Variants in DNAJB14 observed in about 807,000 individuals in gnomAD.
DNAJB14 encodes dnaJ homolog subfamily B member 14.
Under a neutral mutation model 48.4 loss-of-function variants are expected in DNAJB14, and 22 were observed. That is an observed-to-expected ratio of 0.45 (90% CI 0.32 to 0.65). The LOEUF (loss-of-function observed/expected upper bound fraction) is 0.65. DNAJB14 is among the 30% of genes least tolerant of loss of function. The pLI is 0.03. For synonymous variants in DNAJB14, 142 were observed against 158.7 expected, an observed-to-expected ratio of 0.89 and a Z score of 0.79; for missense variants, 319 against 458.8, an observed-to-expected ratio of 0.70 and a Z score of 2.78.
At chr4:99,904,784 T>C (rs1725409526) in intron 6 of DNAJB14, among the ~76,000 whole-genome samples, 1 of 152,026 alleles carries the variant, frequency 6.6e-6, no homozygotes, top group Non-Finnish European at 1.5e-5. Flanking sequence ...CTTATTTGTA[T>C]TATAAATTAC....
At chr4:99,937,467 G>A (rs1726720598) in intron 1 of DNAJB14, among the ~76,000 whole-genome samples, 1 of 152,140 alleles carries the variant, frequency 6.6e-6, no homozygotes, top group South Asian at 2.1e-4. Flanking sequence ...GCTCACACCT[G>A]TAATCCCAGC....
intron 5 of DNAJB14, 68 bp from the exon 6 acceptor site, chr4:99,905,774 C>A: frequency 1.3e-6 from 2 of 1,506,590 alleles, no homozygotes; most frequent in South Asian, 2.3e-5. Flanking sequence ...CAACAGTTGT[C>A]ATACATTTTG....
chr4:99,940,652 T>TC (rs760754411), intron 1 of DNAJB14, among the ~76,000 whole-genome samples: 40 of 149,970 alleles, frequency 2.7e-4, no homozygotes, highest in Non-Finnish European at 5.2e-4. Flanking sequence ...CTTCCAACCC[T>TC]CCCCCAAATC....
chr4:99,911,907 C>T (rs564253982), intron 3 of DNAJB14, among the ~76,000 whole-genome samples: 1 of 152,248 alleles, frequency 6.6e-6, no homozygotes, highest in Non-Finnish European at 1.5e-5. Flanking sequence ...AACTTAACAA[C>T]TTTTCCTTTT....
Position 99,938,343 on chromosome 4 carries a change from C to CTTT in DNAJB14, c.134-7725_134-7723dup, listed in dbSNP as rs200523338. 3.0e-3 allele frequency among the ~76,000 whole-genome samples: 355 copies of CTTT among 120,060 alleles called. 4 individuals are homozygous for CTTT. The highest frequency in any genetic ancestry group is 0.011 in the African/African-American group (343 of 32,470). The allele number at this position is 120,060 out of a possible 152,430, so 78.8% of individuals were successfully genotyped here. A position where few individuals can be genotyped will look rare whatever the true frequency, so the allele number is the denominator to read the frequency against. ...CATAAATGCGACATGTGGACATGTG[C>CTTT]TTTTTTTTTTTTTTTTTTGCCATAA... On this transcript the variant is annotated intron_variant, in intron 1 of 7. Transcript: ENST00000442697.
At position 99,930,497 on chromosome 4, in the gene DNAJB14, A is replaced by T. The variant is rs1255489466; in HGVS notation, c.258T>A (p.Gly86=). 6.2e-7 allele frequency: 1 copy of T among 1,609,742 alleles called. No individual in the cohort carries two copies. Among genetic ancestry groups the T allele is most frequent in the East Asian group, 2.2e-5 (1 of 44,692 alleles). Residue 86 remains glycine, a synonymous_variant, in exon 2 of 8, where the codon GGT becomes GGA. Transcript: ENST00000442697. ...CTTTGGTATAGCCTTTTCCACCTTC[A>T]CCACTACCAGATGTGCTGTCCTTTG... ...NCTKDSTSGS[G]EGGKGYTKDQ...
At chr4:99,902,507 T>G (rs953238459) in intron 7 of DNAJB14, among the ~76,000 whole-genome samples, 2 of 152,032 alleles carry the variant, frequency 1.3e-5, no homozygotes, top group Non-Finnish European at 2.9e-5. Flanking sequence ...GAGTTAGAAG[T>G]CAAAGAGGTC....
intron 3 of DNAJB14, among the ~76,000 whole-genome samples, chr4:99,918,624 T>A (rs146274081): frequency 2.2e-3 from 334 of 152,340 alleles, no homozygotes; most frequent in Non-Finnish European, 3.7e-3. Flanking sequence ...TCCCTTGGCC[T>A]CTGAAGACAC....
At chr4:99,937,663 T>G (rs1295167163) in intron 1 of DNAJB14, among the ~76,000 whole-genome samples, 1 of 150,540 alleles carries the variant, frequency 6.6e-6, no homozygotes, top group Non-Finnish European at 1.5e-5. Context: ...GAGGCATAGG[T>G]TGCAGCGAGC....
At chr4:99,909,321 C>T (rs993802889) in intron 3 of DNAJB14, among the ~76,000 whole-genome samples, 2 of 152,016 alleles carry the variant, frequency 1.3e-5, no homozygotes, top group Non-Finnish European at 2.9e-5. Context: ...CCCTGAAATT[C>T]AAGAAGGTTA....
chr4:99,945,444 A>ATAC (rs984698468), intron 1 of DNAJB14, among the ~76,000 whole-genome samples: 1 of 152,220 alleles, frequency 6.6e-6, no homozygotes, highest in African/African-American at 2.4e-5. Context: ...TAACCTGGAA[A>ATAC]TACTAATGGC....
chr4:99,930,461 A>G lies in DNAJB14; in HGVS notation c.294T>C (p.Asp98=). 1 of 1,594,854 alleles carries G rather than the reference A, an allele frequency of 6.3e-7. No individual in the cohort carries two copies. Among genetic ancestry groups the G allele is most frequent in the Non-Finnish European group, 8.5e-7 (1 of 1,171,198 alleles). ...ATATTTATTCCTACCTGAGAACTCC[A>G]TCTACTTGGTCTTTGGTATAGCCTT... The part of the protein sequence containing the change: ...GGKGYTKDQV[D]GVLSINKCKN... Residue 98 remains aspartate, a synonymous_variant, in exon 2 of 8, where the codon GAT becomes GAC. Coordinates refer to ENST00000442697, the MANE Select transcript of DNAJB14 (RefSeq NM_001031723.4).
chr4:99,913,621 GTTTTT>G (rs372025043), intron 3 of DNAJB14, among the ~76,000 whole-genome samples: 2 of 107,620 alleles, frequency 1.9e-5, no homozygotes, highest in African/African-American at 3.4e-5. Context: ...CTGGTCTGTA[GTTTTT>G]TTTTTTTTTT....
At chr4:99,946,260 C>G (rs879670936) in intron 1 of DNAJB14, among the ~76,000 whole-genome samples, 179 bp downstream of exon 1, 2 of 152,128 alleles carry the variant, frequency 1.3e-5, no homozygotes, top group African/African-American at 4.8e-5. Flanking sequence ...CAGCCCGGAG[C>G]CGGGGCTGGG....
intron 2 of DNAJB14, chr4:99,924,736 G>A (rs769956992): frequency 2.5e-6 from 4 of 1,610,620 alleles, no homozygotes; most frequent in African/African-American, 1.3e-5. Context: ...AAAAGGAAAT[G>A]GGGGGCATTT....
chr4:99,932,401 C>CA (rs374280605), intron 1 of DNAJB14, among the ~76,000 whole-genome samples: 4 of 150,352 alleles, frequency 2.7e-5, no homozygotes, highest in African/African-American at 7.3e-5. Context: ...TCAATAAGCA[C>CA]AAAAAAAAAG....
At chr4:99,944,579 T>TG (rs1036343654) in intron 1 of DNAJB14, among the ~76,000 whole-genome samples, 24 of 151,982 alleles carry the variant, frequency 1.6e-4, no homozygotes, top group African/African-American at 5.5e-4. Flanking sequence ...GGTCTTTTTT[T>TG]TTTTGTTTTT....
chr4:99,921,265 G>A (rs1726048701), intron 3 of DNAJB14, among the ~76,000 whole-genome samples: 1 of 152,114 alleles, frequency 6.6e-6, no homozygotes, highest in Non-Finnish European at 1.5e-5. Flanking sequence ...CCTCTCCTCA[G>A]ATATAAATCA....
intron 7 of DNAJB14, among the ~76,000 whole-genome samples, chr4:99,902,255 G>A (rs188243741): frequency 6.6e-6 from 1 of 152,038 alleles, no homozygotes; most frequent in South Asian, 2.1e-4. Context: ...GTTGTGGGGG[G>A]TCTGTGCATT....
Sources: allele counts gnomAD v4.1 joint callset (sites outside exome capture counted in the v4.1 genomes callset), GRCh38; gene constraint gnomAD v4.1.1; transcripts MANE v1.5; gene names NCBI Gene and HGNC (gene_info 2026-07-23, HGNC 2026-07-21).